The following CHCHD6 variants were observed in gnomAD, a reference collection of about 807,000 sequenced individuals.
CHCHD6 encodes the protein coiled-coil-helix-coiled-coil-helix domain containing 6.
CHCHD6 carries 28 observed loss-of-function variants against 32.3 expected under a neutral mutation model. That is an observed-to-expected ratio of 0.87 (90% CI 0.64 to 1.19). The LOEUF (loss-of-function observed/expected upper bound fraction) is 1.19. Among genes scored for constraint, CHCHD6 ranks in the 50% most tolerant of loss-of-function variants. The pLI, the probability that CHCHD6 is intolerant of heterozygous loss-of-function variation, is 0.00. For synonymous variants in CHCHD6, 122 were observed against 117.5 expected (o/e 1.04, Z -0.25); for missense variants, 333 against 307.0 (o/e 1.08, Z -0.63).
chr3:126,960,006 G>A (rs1019984659), intron 7 of CHCHD6, among the ~76,000 whole-genome samples, 190 bp from the exon 8 acceptor site: 3 of 152,184 alleles, frequency 2.0e-5, no homozygotes, highest in Admixed American at 1.3e-4. Context: ...CCCGTCCCCT[G>A]TTGCTGGGGA....
chr3:126,724,995 G>T (rs1027099982), intron 1 of CHCHD6, among the ~76,000 whole-genome samples: 2 of 152,166 alleles, frequency 1.3e-5, no homozygotes, highest in African/African-American at 4.8e-5. Flanking sequence ...GAACCCCTCA[G>T]AGTCATCCAT....
intron 4 of CHCHD6, among the ~76,000 whole-genome samples, chr3:126,836,860 C>T (rs983674759): frequency 6.6e-6 from 1 of 152,180 alleles, no homozygotes; most frequent in South Asian, 2.1e-4. Flanking sequence ...CTGAGGATGT[C>T]GACAGGTAAG....
chr3:126,898,951 T>C (rs1314490273), intron 5 of CHCHD6, among the ~76,000 whole-genome samples: 3 of 152,242 alleles, frequency 2.0e-5, no homozygotes, highest in Non-Finnish European at 2.9e-5. Context: ...TGGGAAGTAG[T>C]ACATCAAATG....
chr3:126,903,053 G>A (rs540777030), intron 5 of CHCHD6, among the ~76,000 whole-genome samples: 5 of 152,294 alleles, frequency 3.3e-5, no homozygotes, highest in African/African-American at 1.2e-4. Flanking sequence ...TGGGAGCAAG[G>A]CCATCTCCTA....
chr3:126,844,962 T>C (rs1004085784), intron 4 of CHCHD6, among the ~76,000 whole-genome samples: 3 of 152,046 alleles, frequency 2.0e-5, no homozygotes, highest in African/African-American at 7.2e-5. Flanking sequence ...GGTAAGGAAA[T>C]AGATTCTTCT....
At chr3:126,947,892 G>T (rs1489556545) in intron 6 of CHCHD6, among the ~76,000 whole-genome samples, 2 of 152,168 alleles carry the variant, frequency 1.3e-5, no homozygotes, top group African/African-American at 4.8e-5. Context: ...GTGGGTTAAG[G>T]TGAGTCAGTT....
chr3:126,835,910 G>A (rs7653055), intron 4 of CHCHD6, among the ~76,000 whole-genome samples: 1 of 152,172 alleles, frequency 6.6e-6, no homozygotes, highest in Non-Finnish European at 1.5e-5. Flanking sequence ...TATTTCTTCT[G>A]TAAAGGTTTC....
intron 4 of CHCHD6, among the ~76,000 whole-genome samples, chr3:126,745,596 C>T (rs879851771): frequency 6.6e-5 from 10 of 152,142 alleles, no homozygotes; most frequent in Non-Finnish European, 1.2e-4. Context: ...AAAGGGACAG[C>T]GAACAGAGTG....
chr3:126,815,528 G>T (rs1366260418), intron 4 of CHCHD6, among the ~76,000 whole-genome samples: 1 of 151,946 alleles, frequency 6.6e-6, no homozygotes, highest in Non-Finnish European at 1.5e-5. Flanking sequence ...TCTCACCTCT[G>T]TGCCATTGCA....
chr3:126,720,030 G>A (rs578030998), intron 1 of CHCHD6, among the ~76,000 whole-genome samples: 2 of 152,124 alleles, frequency 1.3e-5, no homozygotes, highest in East Asian at 1.9e-4. Context: ...ACAGGTGCCC[G>A]CCACCACGCC....
chr3:126,895,586 G>A (rs1559909012), intron 5 of CHCHD6, among the ~76,000 whole-genome samples: 1 of 152,228 alleles, frequency 6.6e-6, no homozygotes, highest in Non-Finnish European at 1.5e-5. Context: ...GAGCAACAGA[G>A]CCAAACACCC....
Position 126,735,130 on chromosome 3 carries a change from G to A in CHCHD6, c.411+1908G>A, listed in dbSNP as rs1043768032. On this transcript the variant is annotated intron_variant, in intron 4 of 7. Transcript: ENST00000290913. ...GAAGGACCCCTATCCTGGAGATGAC[G>A]CGTTAATCAGTATGGCATGAGCAGG... 5.9e-5 allele frequency among the ~76,000 whole-genome samples: 9 copies of A among 152,122 alleles called. 1 individual carries two copies. The highest frequency in any genetic ancestry group is 2.0e-4 in the Admixed American group (3 of 15,282).
chr3:126,761,747 G>T (rs1937169049), intron 4 of CHCHD6, among the ~76,000 whole-genome samples: 2 of 152,266 alleles, frequency 1.3e-5, no homozygotes, highest in African/African-American at 2.4e-5. Context: ...TTCTTTAAAT[G>T]TTTGGTAGAA....
chr3:126,766,803 G>A, intron 4 of CHCHD6: 1 of 1,033,172 alleles, frequency 9.7e-7, no homozygotes, highest in Non-Finnish European at 1.5e-6. Flanking sequence ...CTTCACTGAT[G>A]GCAAAGGAGC....
At chr3:126,788,904 T>C (rs908711505) in intron 4 of CHCHD6, among the ~76,000 whole-genome samples, 10 of 152,186 alleles carry the variant, frequency 6.6e-5, no homozygotes, top group Non-Finnish European at 8.8e-5. Flanking sequence ...GTTCTTTTAA[T>C]TGTGATGTCA....
At chr3:126,884,872 C>G (rs544915968) in intron 5 of CHCHD6, among the ~76,000 whole-genome samples, 1 of 152,194 alleles carries the variant, frequency 6.6e-6, no homozygotes. Flanking sequence ...TTCTCTGGGG[C>G]ATGGATCTGC....
chr3:126,766,659 G>C, intron 4 of CHCHD6: 2 of 1,037,538 alleles, frequency 1.9e-6, no homozygotes, highest in Admixed American at 1.7e-5. Context: ...GTGCTCTCTC[G>C]GTGGCCACAA....
intron 5 of CHCHD6, among the ~76,000 whole-genome samples, chr3:126,866,423 A>G (rs1002181671): frequency 6.6e-6 from 1 of 152,204 alleles, no homozygotes; most frequent in Non-Finnish European, 1.5e-5. Flanking sequence ...CACATGTACT[A>G]ATTTGTTACA....
intron 1 of CHCHD6, among the ~76,000 whole-genome samples, chr3:126,714,065 A>G (rs977749561): frequency 8.3e-6 from 1 of 120,924 alleles, no homozygotes; most frequent in Non-Finnish European, 1.6e-5. Context: ...CGACAGAGCC[A>G]GACTGCATCT....
Sources: gnomAD v4.1 joint callset for allele counts (sites outside exome capture counted in the v4.1 genomes callset) on GRCh38, gnomAD v4.1.1 for gene constraint, MANE v1.5 for transcripts, NCBI Gene and HGNC (gene_info 2026-07-23, HGNC 2026-07-21) for gene names.